Variants in BCAS3 observed in about 807,000 individuals in gnomAD.
BCAS3 encodes BCAS3 microtubule associated cell migration factor, also known as BCAS4/BCAS3 fusion.
Under a neutral mutation model 116.1 loss-of-function variants are expected in BCAS3, and 53 were observed. The observed-to-expected ratio is 0.46, with a 90% CI of 0.37 to 0.57. BCAS3 has a LOEUF of 0.57. BCAS3 is among the 20% of genes least tolerant of loss of function. The pLI is 0.00. For missense variants in BCAS3, 917 were observed against 1,165.4 expected, an observed-to-expected ratio of 0.79 and a Z score of 3.10; for synonymous variants, 391 against 408.2, an observed-to-expected ratio of 0.96 and a Z score of 0.51.
chr17:60,726,544 C>T (rs558821847), intron 5 of BCAS3, among the ~76,000 whole-genome samples: 7 of 144,094 alleles, frequency 4.9e-5, no homozygotes, highest in Admixed American at 1.4e-4. Context: ...GAGTCTCACT[C>T]TGTTGCCCAG....
At chr17:61,351,144 C>A (rs899124214) in intron 22 of BCAS3, among the ~76,000 whole-genome samples, 4 of 152,190 alleles carry the variant, frequency 2.6e-5, no homozygotes, top group African/African-American at 7.2e-5. Flanking sequence ...GTGCTGGGCA[C>A]TTTCTTTGTC....
At chr17:61,080,277 T>C (rs1365121887) in intron 21 of BCAS3, among the ~76,000 whole-genome samples, 1 of 152,134 alleles carries the variant, frequency 6.6e-6, no homozygotes, top group Non-Finnish European at 1.5e-5. Flanking sequence ...AATCTCTCCT[T>C]TCACAGATGC....
intron 6 of BCAS3, among the ~76,000 whole-genome samples, chr17:60,767,042 A>G (rs2044173191): frequency 6.6e-6 from 1 of 152,162 alleles, no homozygotes; most frequent in African/African-American, 2.4e-5. Context: ...GCCGTTTGCT[A>G]AGACTGTTGG....
chr17:61,191,707 A>G (rs534704241), intron 22 of BCAS3, among the ~76,000 whole-genome samples: 2 of 151,814 alleles, frequency 1.3e-5, no homozygotes, highest in South Asian at 4.2e-4. Context: ...CCTGGGAGGC[A>G]GAGCTTGCTG....
chr17:61,392,088 G>C lies in BCAS3; in HGVS notation c.2705G>C (p.Ser902Thr), dbSNP rs759965418. 4 of 1,613,790 alleles carry C rather than the reference G, an allele frequency of 2.5e-6. No individual in the cohort carries two copies. The highest frequency in any genetic ancestry group is 3.4e-6 in the Non-Finnish European group (4 of 1,180,000). Residue 902 changes from serine to threonine, a missense_variant, in exon 24 of 24, where the codon AGC (serine) becomes ACC (threonine). Physicochemically the swap from Ser to Thr is moderately conservative, Grantham distance 58. Around this residue, in one of 3 missense-constraint regions of BCAS3, gnomAD observed 109 missense variants for 122.8 expected, o/e 0.89. Transcript: ENST00000407086. This position sits in a 1 kb window ranked among gnomAD's most constrained non-coding sequence, Gnocchi z 6.4. The part of the protein sequence containing the change: ...GYRSPLPTNE[S>T]QPLSLFPTGF... ...CGATCTCCGCTGCCCACCAATGAGA[G>C]CCAGCCCCTCAGCCTCTTCCCGACT...
chr17:60,995,864 G>T lies in BCAS3; in HGVS notation c.1486+5629G>T, dbSNP rs1457725409. Among the ~76,000 whole-genome samples, 1 of 152,108 alleles carries T rather than the reference G, an allele frequency of 6.6e-6. No homozygotes were observed. Among genetic ancestry groups the T allele is most frequent in the Non-Finnish European group, 1.5e-5 (1 of 68,028 alleles). ...CCATGGAGCCACAGAGAAAAATGAG[G>T]GAAGGGGAATAGGGAATGCCTAGGG... is the stretch of plus-strand genomic sequence containing the variant. On this transcript the variant is annotated intron_variant, in intron 15 of 23. Transcript: ENST00000407086. This position sits in a 1 kb window ranked among gnomAD's most constrained non-coding sequence, Gnocchi z 4.7.
intron 22 of BCAS3, among the ~76,000 whole-genome samples, chr17:61,318,925 T>G (rs1398222566): frequency 6.6e-6 from 1 of 152,224 alleles, no homozygotes; most frequent in Admixed American, 6.5e-5. Context: ...CGGAGTGACA[T>G]AGAAGGAGCT....
intron 7 of BCAS3, 59 bp downstream of exon 7, chr17:60,808,135 G>T: frequency 8.5e-7 from 1 of 1,176,300 alleles, no homozygotes. Flanking sequence ...TATTCCAGAG[G>T]GAGAACTTTG....
chr17:60,802,910 C>T (rs1293345578), intron 6 of BCAS3, among the ~76,000 whole-genome samples: 1 of 152,184 alleles, frequency 6.6e-6, no homozygotes, highest in Admixed American at 6.5e-5. Flanking sequence ...AGCCACTGTG[C>T]CCAGTCTATT....
At chr17:60,784,561 C>A (rs1295189995) in intron 6 of BCAS3, among the ~76,000 whole-genome samples, 2 of 151,474 alleles carry the variant, frequency 1.3e-5, no homozygotes, top group Non-Finnish European at 2.9e-5. Flanking sequence ...CCTCAGCCTC[C>A]CAAAGTGCTG....
chr17:60,722,279 G>A (rs1387832970), intron 5 of BCAS3, among the ~76,000 whole-genome samples: 1 of 152,148 alleles, frequency 6.6e-6, no homozygotes, highest in Non-Finnish European at 1.5e-5. Flanking sequence ...CATAGGATAA[G>A]TACATGTTTA....
At position 61,387,393 on chromosome 17, in the gene BCAS3, G is replaced by A. The variant is rs887369814; in HGVS notation, c.2594-4584G>A. On this transcript the variant is annotated intron_variant, in intron 23 of 23. Transcript: ENST00000407086. This position sits in a 1 kb window ranked among gnomAD's most constrained non-coding sequence, Gnocchi z 6.2. ...ACCAGGGTTGCTTCTCTCTAAAAAGGCCAGTCCCCTCTTTCTGCCCCCTCT... is the reference window on the plus strand; with the variant it reads ...ACCAGGGTTGCTTCTCTCTAAAAAGACCAGTCCCCTCTTTCTGCCCCCTCT... Among the ~76,000 whole-genome samples, 1 of 152,188 alleles carries A rather than the reference G, an allele frequency of 6.6e-6. No homozygotes were observed. Among genetic ancestry groups the A allele is most frequent in the African/African-American group, 2.4e-5 (1 of 41,434 alleles).
At chr17:60,916,885 T>C (rs1163556503) in intron 12 of BCAS3, among the ~76,000 whole-genome samples, 1 of 152,114 alleles carries the variant, frequency 6.6e-6, no homozygotes, top group African/African-American at 2.4e-5. Context: ...CAATGAGCAA[T>C]GGATTTGAAT....
chr17:60,796,046 T>C (rs1042924170), intron 6 of BCAS3, among the ~76,000 whole-genome samples: 3 of 152,230 alleles, frequency 2.0e-5, no homozygotes, highest in African/African-American at 7.2e-5. Context: ...GACTCACGTA[T>C]GTTAAACCAT....
intron 22 of BCAS3, among the ~76,000 whole-genome samples, chr17:61,187,312 A>G (rs1408074447): frequency 6.6e-6 from 1 of 152,214 alleles, no homozygotes; most frequent in Non-Finnish European, 1.5e-5. Flanking sequence ...ATGTGTTCTC[A>G]GCTAGATTTC....
rs189700466 is a variant in BCAS3 at position 61,305,439 on chromosome 17, C to T, written c.2426-62888C>T. Among the ~76,000 whole-genome samples, 9 of 152,214 alleles carry T rather than the reference C, an allele frequency of 5.9e-5. No homozygotes were observed. The East Asian group carries it at 1.7e-3, about 29-fold the overall frequency. ...AAGATTGGTCAGCCTGGGTTCAAAT[C>T]CACTGTTTGCCTCTTCACTGTGTGA... On this transcript the variant is annotated intron_variant, in intron 22 of 23. Coordinates refer to ENST00000407086, the MANE Select transcript of BCAS3 (RefSeq NM_017679.5).
intron 6 of BCAS3, among the ~76,000 whole-genome samples, chr17:60,783,477 T>C (rs950462823): frequency 6.6e-6 from 1 of 152,138 alleles, no homozygotes; most frequent in Non-Finnish European, 1.5e-5. Context: ...ACTGCTGGGA[T>C]TATAGGCACG....
rs1280292692 is a variant in BCAS3, at chr17:61,285,295, T to C, written c.2426-83032T>C. ...ATGCAGCAAAGGAAGGGGAAACAAA[T>C]ACAACAGTGCACGGCAGAGTCCCTG... On this transcript the variant is annotated intron_variant, in intron 22 of 23. Transcript: ENST00000407086. The surrounding 1 kb of genome is among the most constrained non-coding windows in gnomAD (Gnocchi z 5.4). 6.6e-6 allele frequency among the ~76,000 whole-genome samples: 1 copy of C among 151,164 alleles called. No individual in the cohort carries two copies. Among genetic ancestry groups the C allele is most frequent in the East Asian group, 1.9e-4 (1 of 5,190 alleles).
intron 14 of BCAS3, among the ~76,000 whole-genome samples, chr17:60,951,910 T>C (rs2060859859): frequency 6.6e-6 from 1 of 151,948 alleles, no homozygotes; most frequent in East Asian, 1.9e-4. Context: ...TAGCTGGGAC[T>C]ATAGGCACCC....
Sources: allele counts gnomAD v4.1 joint callset (sites outside exome capture counted in the v4.1 genomes callset), GRCh38; gene constraint gnomAD v4.1.1; regional missense constraint gnomAD v4.1.1; non-coding constraint Gnocchi (gnomAD v3.1); transcripts MANE v1.5; gene names NCBI Gene and HGNC (gene_info 2026-07-23, HGNC 2026-07-21).